Variants in LMTK2 observed in about 807,000 individuals in gnomAD.
LMTK2 encodes the protein lemur tail kinase 2, also known as serine/threonine-protein kinase LMTK2.
In LMTK2, 37 loss-of-function variants were observed where a neutral mutation model predicts 127.5. The observed-to-expected ratio is 0.29, with a 90% CI of 0.22 to 0.38. The LOEUF (loss-of-function observed/expected upper bound fraction) is 0.38, where lower values mean the gene tolerates loss of function less well. LMTK2 is among the 10% of genes least tolerant of loss of function. The pLI is 1.00. For missense variants in LMTK2, 1,694 were observed against 1,920.3 expected (o/e 0.88, Z 2.20); for synonymous variants, 819 against 810.1 (o/e 1.01, Z -0.19).
chr7:98,200,023 T>A (rs1406014922), intron 11 of LMTK2, among the ~76,000 whole-genome samples: 1 of 152,242 alleles, frequency 6.6e-6, no homozygotes, highest in Non-Finnish European at 1.5e-5. Context: ...GTTCTATTTT[T>A]ATTTCTATTC....
intron 11 of LMTK2, among the ~76,000 whole-genome samples, chr7:98,198,231 G>A (rs1235007781): frequency 7.0e-6 from 1 of 143,664 alleles, no homozygotes; most frequent in Non-Finnish European, 1.5e-5. Context: ...TCACTCTGTC[G>A]CCAGGTTGGA....
rs1431725548 is a variant in LMTK2, at chr7:98,151,339, T to A, written c.377-43T>A. 5 of 1,315,898 alleles carry A rather than the reference T, an allele frequency of 3.8e-6. No individual in the cohort carries two copies. The South Asian group carries it at 5.0e-5, about 13-fold the overall frequency. The allele number at this position is 1,315,898 out of a possible 1,614,324, so 81.5% of individuals were successfully genotyped here. A position where few individuals can be genotyped will look rare whatever the true frequency, so the allele number is the denominator to read the frequency against. The stretch of plus-strand genomic sequence containing the variant: ...TACTTTATAGGTTATATATTTAATA[T>A]TTAGATACTTATATTTCATTTTTAA... On this transcript the variant is annotated intron_variant, in intron 3 of 13. Transcript: ENST00000297293.
rs1797234285 is a variant in LMTK2, at chr7:98,173,912, C to T, written c.791+2238C>T. Reference sequence around the variant, plus strand: ...TCTACTAAAAATACAAAAAATTAGCCGGATGTGGTGACGGGTGCCTGTAGT... The same window carrying T: ...TCTACTAAAAATACAAAAAATTAGCTGGATGTGGTGACGGGTGCCTGTAGT... On this transcript the variant is annotated intron_variant, in intron 7 of 13. Transcript: ENST00000297293. Among the ~76,000 whole-genome samples, 3 of 151,906 alleles carry T rather than the reference C, an allele frequency of 2.0e-5. No homozygotes were observed. In the South Asian group the frequency reaches 6.2e-4, roughly 32 times the overall value.
chr7:98,175,937 A>G (rs1797270137), intron 7 of LMTK2, among the ~76,000 whole-genome samples: 1 of 152,200 alleles, frequency 6.6e-6, no homozygotes. Context: ...ACTATTCCGG[A>G]CCATAAAGAA....
chr7:98,202,248 T>C (rs1227566803), intron 11 of LMTK2, among the ~76,000 whole-genome samples: 2 of 152,218 alleles, frequency 1.3e-5, no homozygotes, highest in Admixed American at 6.5e-5. Context: ...TTTTGGTTAT[T>C]ATACTTTTCT....
At chr7:98,164,981 C>T (rs187131668) in intron 6 of LMTK2, among the ~76,000 whole-genome samples, 6 of 152,272 alleles carry the variant, frequency 3.9e-5, no homozygotes, top group African/African-American at 1.4e-4. Context: ...AGGCAGTTCG[C>T]AGTGGAGAAG....
intron 1 of LMTK2, among the ~76,000 whole-genome samples, chr7:98,111,830 G>C (rs1428032693): frequency 6.6e-6 from 1 of 152,204 alleles, no homozygotes; most frequent in Non-Finnish European, 1.5e-5. Context: ...TTTTATGGTG[G>C]ATGGAGATGC....
intron 1 of LMTK2, among the ~76,000 whole-genome samples, chr7:98,130,899 A>G (rs1345346391): frequency 6.6e-6 from 1 of 152,252 alleles, no homozygotes; most frequent in Non-Finnish European, 1.5e-5. Flanking sequence ...GTTAATGGCC[A>G]TATCAAGAGT....
At chr7:98,181,274 G>A (rs764047858) in intron 7 of LMTK2, among the ~76,000 whole-genome samples, 3 of 152,136 alleles carry the variant, frequency 2.0e-5, no homozygotes, top group Non-Finnish European at 4.4e-5. Context: ...TAGATTTGTG[G>A]ACCGGTAAAG....
In LMTK2 at chr7:98,174,042, C is replaced by T. The variant is rs574498553; in HGVS notation, c.791+2368C>T. ...CTGCACTCTAGTCTGGGTGACAGAGCGAGATTCTGTCTCAAAAAACAAAAA... is the reference window on the plus strand; with the variant it reads ...CTGCACTCTAGTCTGGGTGACAGAGTGAGATTCTGTCTCAAAAAACAAAAA... On this transcript the variant is annotated intron_variant, in intron 7 of 13. Coordinates refer to ENST00000297293, the MANE Select transcript of LMTK2 (RefSeq NM_014916.4). 8.5e-4 allele frequency among the ~76,000 whole-genome samples: 124 copies of T among 145,788 alleles called. 1 individual carries two copies. Among genetic ancestry groups the T allele is most frequent in the African/African-American group, 3.0e-3 (117 of 39,136 alleles).
chr7:98,109,805 G>C (rs537365579), intron 1 of LMTK2, among the ~76,000 whole-genome samples: 11 of 150,612 alleles, frequency 7.3e-5, no homozygotes, highest in Non-Finnish European at 1.6e-4. Flanking sequence ...TCAGGGGCTT[G>C]TCTCTCCATC....
At position 98,192,368 on chromosome 7, in the gene LMTK2, A is replaced by G. The variant is rs758663185; in HGVS notation, c.1903A>G (p.Ile635Val). The stretch of plus-strand genomic sequence containing the variant: ...TGGCCCCGAGAGCCCTTTCAACAAT[A>G]TATTTAATGATGTGGACAAATCGGA... The part of the protein sequence containing the change: ...TSGPESPFNN[I>V]FNDVDKSEDL... Residue 635 changes from isoleucine (I) to valine (V), a missense_variant, in exon 11 of 14, where the codon ATA (isoleucine) becomes GTA (valine). By Grantham distance (29) the Ile-to-Val change is conservative. Around this residue, in one of 8 missense-constraint regions of LMTK2, gnomAD observed 527 missense variants for 539.8 expected, o/e 0.98. Coordinates refer to ENST00000297293, the MANE Select transcript of LMTK2 (RefSeq NM_014916.4). The G allele has an allele frequency of 3.8e-6, 6 of 1,597,304 alleles. No individual in the cohort carries two copies. The highest frequency in any genetic ancestry group is 1.1e-5 in the South Asian group (1 of 87,238).
At chr7:98,166,829 TAAC>T (rs914744433) in intron 6 of LMTK2, among the ~76,000 whole-genome samples, 11 of 152,226 alleles carry the variant, frequency 7.2e-5, no homozygotes, top group African/African-American at 2.7e-4. Context: ...TGAAATTGCC[TAAC>T]AACACATTTC....
At chr7:98,160,301 G>A (rs1796994244) in intron 6 of LMTK2, among the ~76,000 whole-genome samples, 1 of 152,186 alleles carries the variant, frequency 6.6e-6, no homozygotes, top group East Asian at 1.9e-4. Context: ...AGAACAGTAA[G>A]CATCGTGATT....
At chr7:98,163,467 G>A (rs984011486) in intron 6 of LMTK2, among the ~76,000 whole-genome samples, 1 of 152,160 alleles carries the variant, frequency 6.6e-6, no homozygotes, top group Admixed American at 6.5e-5. Context: ...CCACCAACTT[G>A]TCCAGCAGTG....
At chr7:98,107,336 G>A (rs1796124703) in intron 1 of LMTK2, 56 bp downstream of exon 1, 2 of 1,144,854 alleles carry the variant, frequency 1.7e-6, no homozygotes, top group African/African-American at 1.6e-5. Flanking sequence ...GGAGGGGAGG[G>A]GGCGGCAGGG....
intron 2 of LMTK2, among the ~76,000 whole-genome samples, chr7:98,139,167 C>T (rs1331273766): frequency 6.6e-6 from 1 of 152,100 alleles, no homozygotes; most frequent in Non-Finnish European, 1.5e-5. Context: ...TCTCTGTCAC[C>T]CAGGCTGGAT....
intron 1 of LMTK2, among the ~76,000 whole-genome samples, chr7:98,126,201 A>T (rs1364993773): frequency 6.6e-6 from 1 of 152,148 alleles, no homozygotes; most frequent in Non-Finnish European, 1.5e-5. Flanking sequence ...TTTCAGCTGT[A>T]TTGTGCAGAA....
At chr7:98,114,664 G>A (rs919671618) in intron 1 of LMTK2, among the ~76,000 whole-genome samples, 9 of 152,136 alleles carry the variant, frequency 5.9e-5, no homozygotes, top group Non-Finnish European at 1.0e-4. Context: ...CGGTCGCATC[G>A]GGGTGTCTGC....
Sources: allele counts gnomAD v4.1 joint callset (sites outside exome capture counted in the v4.1 genomes callset), GRCh38; gene constraint gnomAD v4.1.1; regional missense constraint gnomAD v4.1.1; transcripts MANE v1.5; gene names NCBI Gene and HGNC (gene_info 2026-07-23, HGNC 2026-07-21).